Variants in NFIA observed in about 807,000 individuals in gnomAD.
NFIA encodes nuclear factor 1 A-type.
In NFIA, 8 loss-of-function variants were observed where a neutral mutation model predicts 62.8. The observed-to-expected ratio is 0.13, with a 90% CI of 0.07 to 0.23. NFIA has a LOEUF of 0.23. Among genes scored for constraint, NFIA ranks in the 10% least tolerant of loss-of-function variants. The probability of loss-of-function intolerance (pLI) is 1.00; values close to 1 mark genes in which losing one functional copy is unlikely to be tolerated. For missense variants in NFIA, 410 were observed against 642.1 expected (o/e 0.64, Z 3.91); for synonymous variants, 235 against 238.1 (o/e 0.99, Z 0.12).
intron 1 of NFIA, among the ~76,000 whole-genome samples, chr1:61,086,614 G>C (rs1020941713): frequency 6.6e-6 from 1 of 152,080 alleles, no homozygotes; most frequent in Non-Finnish European, 1.5e-5. Context: ...GAGGAAAAAA[G>C]TCAGTTATTG....
chr1:61,240,596 T>C (rs1349197030), intron 2 of NFIA, among the ~76,000 whole-genome samples: 1 of 152,112 alleles, frequency 6.6e-6, no homozygotes, highest in East Asian at 1.9e-4. Context: ...GAGAAGATAC[T>C]GAAGTATACA....
intron 6 of NFIA, among the ~76,000 whole-genome samples, chr1:61,374,168 AAGG>A (rs777376900): frequency 2.0e-5 from 3 of 152,216 alleles, no homozygotes; most frequent in Non-Finnish European, 4.4e-5. Flanking sequence ...CTGGATATCT[AAGG>A]AGAATGAATA....
chr1:61,376,761 T>C (rs1664168937), intron 6 of NFIA, among the ~76,000 whole-genome samples: 1 of 152,232 alleles, frequency 6.6e-6, no homozygotes, highest in East Asian at 1.9e-4. Flanking sequence ...GAGGGTTTTA[T>C]AAAATGTATG....
chr1:61,082,342 G>C (rs1344975685), upstream of NFIA: 14 of 301,594 alleles, frequency 4.6e-5, no homozygotes, highest in Non-Finnish European at 6.8e-5. Context: ...TGGCCGCGCG[G>C]CGCCGCAGCC....
chr1:61,431,246 A>G (rs886353015), intron 10 of NFIA, among the ~76,000 whole-genome samples: 1 of 152,236 alleles, frequency 6.6e-6, no homozygotes, highest in Non-Finnish European at 1.5e-5. Flanking sequence ...AAAAAAGTTA[A>G]TATTTCATCA....
At chr1:61,119,465 T>G (rs1646851285) in intron 2 of NFIA, among the ~76,000 whole-genome samples, 1 of 152,180 alleles carries the variant, frequency 6.6e-6, no homozygotes, top group Non-Finnish European at 1.5e-5. Context: ...TAAGAGAAAC[T>G]GTATGGAAAT....
At chr1:61,306,848 T>C (rs1659831620) in intron 3 of NFIA, among the ~76,000 whole-genome samples, 1 of 152,140 alleles carries the variant, frequency 6.6e-6, no homozygotes, top group Admixed American at 6.5e-5. Context: ...TCTTGACATA[T>C]CAGGGTACGG....
At chr1:61,240,458 A>G (rs1410251472) in intron 2 of NFIA, among the ~76,000 whole-genome samples, 2 of 152,084 alleles carry the variant, frequency 1.3e-5, no homozygotes, top group African/African-American at 4.8e-5. Flanking sequence ...TGATTTAACT[A>G]TAAGAGTAGG....
intron 2 of NFIA, among the ~76,000 whole-genome samples, chr1:61,089,685 G>GTTTTTTTTTT (rs959067137): frequency 8.5e-5 from 10 of 118,150 alleles, no homozygotes; most frequent in African/African-American, 3.3e-4. Flanking sequence ...AATATTTAAC[G>GTTTTTTTTTT]TTTTTTTTTC....
At chr1:61,330,156 T>A (rs1400214496) in intron 3 of NFIA, among the ~76,000 whole-genome samples, 1 of 152,136 alleles carries the variant, frequency 6.6e-6, no homozygotes. Context: ...GTTCTAAGAA[T>A]ACCTGTGGGC....
intron 2 of NFIA, among the ~76,000 whole-genome samples, chr1:61,196,263 A>G (rs1651983482): frequency 6.6e-6 from 1 of 152,154 alleles, no homozygotes; most frequent in East Asian, 1.9e-4. Flanking sequence ...AAATTTGTAT[A>G]AACTTTATAA....
chr1:61,264,781 T>C (rs996637138), intron 2 of NFIA, among the ~76,000 whole-genome samples: 3 of 151,284 alleles, frequency 2.0e-5, no homozygotes, highest in Non-Finnish European at 4.4e-5. Context: ...AGCAAATTAC[T>C]CACAAATACT....
intron 4 of NFIA, among the ~76,000 whole-genome samples, chr1:61,338,446 TC>T (rs1238001868): frequency 6.6e-6 from 1 of 152,238 alleles, no homozygotes; most frequent in Non-Finnish European, 1.5e-5. Flanking sequence ...TTCTATATTT[TC>T]ACACAGGAAT....
chr1:61,193,201 C>T (rs371812922), intron 2 of NFIA, among the ~76,000 whole-genome samples: 8 of 152,182 alleles, frequency 5.3e-5, no homozygotes, highest in Non-Finnish European at 8.8e-5. Context: ...ATTTATAAAA[C>T]GTTCACATGC....
chr1:61,356,870 C>A (rs1397163093), intron 5 of NFIA, among the ~76,000 whole-genome samples: 1 of 152,080 alleles, frequency 6.6e-6, no homozygotes, highest in East Asian at 1.9e-4. Flanking sequence ...CATAAATTGG[C>A]CCTCCACATT....
intron 4 of NFIA, among the ~76,000 whole-genome samples, chr1:61,348,290 T>G (rs1234346381): frequency 6.6e-6 from 1 of 152,218 alleles, no homozygotes; most frequent in Non-Finnish European, 1.5e-5. Context: ...TGTTCCTTTA[T>G]AAGACTCTTG....
chr1:61,329,324 G>A (rs1399974674), intron 3 of NFIA, among the ~76,000 whole-genome samples: 2 of 151,522 alleles, frequency 1.3e-5, no homozygotes, highest in African/African-American at 2.4e-5. Context: ...GGGATTACAG[G>A]TGGGAGCCAC....
At chr1:61,434,824 G>T (rs1667259423) in intron 10 of NFIA, among the ~76,000 whole-genome samples, 1 of 152,078 alleles carries the variant, frequency 6.6e-6, no homozygotes, top group Non-Finnish European at 1.5e-5. Context: ...AGGTAAAAAA[G>T]AGATTTCACA....
intron 2 of NFIA, among the ~76,000 whole-genome samples, chr1:61,097,935 G>C (rs1452187705): frequency 6.6e-6 from 1 of 152,194 alleles, no homozygotes; most frequent in Non-Finnish European, 1.5e-5. Context: ...GTTGGCTGCA[G>C]AAGGAGTAAA....
Sources: gnomAD v4.1 joint callset for allele counts (sites outside exome capture counted in the v4.1 genomes callset) on GRCh38, gnomAD v4.1.1 for gene constraint, MANE v1.5 for transcripts, NCBI Gene and HGNC (gene_info 2026-07-23, HGNC 2026-07-21) for gene names.